The following UEVLD variants were observed in gnomAD, a reference collection of about 807,000 sequenced individuals.
UEVLD encodes ubiquitin-conjugating enzyme E2 variant 3.
In UEVLD, 47 loss-of-function variants were observed where a neutral mutation model predicts 58.6. The ratio of observed to expected loss-of-function variants is 0.80; its 90% CI spans 0.63 to 1.02. The LOEUF is 1.02. UEVLD is among the 50% of genes least tolerant of loss of function. The probability of loss-of-function intolerance (pLI) is 0.00; values close to 1 mark genes in which losing one functional copy is unlikely to be tolerated. For synonymous variants in UEVLD, 197 were observed against 195.3 expected, an observed-to-expected ratio of 1.01 and a Z score of -0.07; for missense variants, 510 against 550.6, an observed-to-expected ratio of 0.93 and a Z score of 0.74.
intron 7 of UEVLD, 142 bp from the exon 8 acceptor site, chr11:18,547,192 G>T: frequency 1.2e-6 from 1 of 819,382 alleles, no homozygotes; most frequent in Non-Finnish European, 1.8e-6. Context: ...ATCCACAAAA[G>T]CATATAAAAT....
intron 1 of UEVLD, chr11:18,579,448 G>A: frequency 1.0e-6 from 1 of 985,382 alleles, no homozygotes; most frequent in Non-Finnish European, 1.2e-6. Flanking sequence ...CTTAAATGAT[G>A]AGGCAGAATG....
intron 9 of UEVLD, 55 bp from the exon 10 acceptor site, chr11:18,536,524 T>G (rs1309739823): frequency 8.4e-6 from 12 of 1,432,604 alleles, no homozygotes; most frequent in Non-Finnish European, 1.1e-5. Flanking sequence ...TGGATTAAGA[T>G]GTGATAACAG....
intron 1 of UEVLD, among the ~76,000 whole-genome samples, chr11:18,586,378 C>T (rs926031450): frequency 6.6e-6 from 1 of 151,934 alleles, no homozygotes; most frequent in African/African-American, 2.4e-5. Context: ...CCACGCCTGG[C>T]TTATTTTTTT....
intron 1 of UEVLD, among the ~76,000 whole-genome samples, 154 bp downstream of exon 1, chr11:18,588,459 G>A (rs887119229): frequency 6.6e-6 from 1 of 152,138 alleles, no homozygotes; most frequent in African/African-American, 2.4e-5. Flanking sequence ...CAGCCTCCCT[G>A]GGGCCGCGCC....
intron 7 of UEVLD, 55 bp downstream of exon 7, chr11:18,558,173 G>A (rs1851842839): frequency 2.3e-6 from 3 of 1,307,560 alleles, no homozygotes; most frequent in African/African-American, 1.5e-5. Flanking sequence ...TAACATTCTA[G>A]GAGTCAAAAA....
At chr11:18,573,500 C>T (rs924498573) in intron 3 of UEVLD, among the ~76,000 whole-genome samples, 2 of 152,132 alleles carry the variant, frequency 1.3e-5, no homozygotes, top group Non-Finnish European at 2.9e-5. Flanking sequence ...AGCCAGGAAA[C>T]AGTCTAAAAG....
At chr11:18,544,276 T>C (rs1364890868) in intron 9 of UEVLD, among the ~76,000 whole-genome samples, 1 of 152,200 alleles carries the variant, frequency 6.6e-6, no homozygotes, top group African/African-American at 2.4e-5. Flanking sequence ...GTGAATGCCA[T>C]GACCACTGGC....
At chr11:18,539,516 G>A (rs868211097) in intron 9 of UEVLD, among the ~76,000 whole-genome samples, 7 of 152,138 alleles carry the variant, frequency 4.6e-5, no homozygotes, top group Non-Finnish European at 1.0e-4. Flanking sequence ...TACATTGGGC[G>A]GGATGTTTTG....
chr11:18,568,224 TA>T (rs769707213), intron 4 of UEVLD, among the ~76,000 whole-genome samples: 16 of 152,256 alleles, frequency 1.1e-4, no homozygotes, highest in South Asian at 2.1e-4. Context: ...AAACTAAAAT[TA>T]AACACAACTT....
intron 3 of UEVLD, among the ~76,000 whole-genome samples, chr11:18,574,086 A>AAGGACATTTATTATTAGTC (rs1852775895): frequency 6.6e-6 from 1 of 152,186 alleles, no homozygotes; most frequent in South Asian, 2.1e-4. Flanking sequence ...TAAGCACATA[A>AAGGACATTTATTATTAGTC]CTGTATATTA....
chr11:18,580,886 G>A (rs1853203546), intron 1 of UEVLD, among the ~76,000 whole-genome samples: 1 of 152,038 alleles, frequency 6.6e-6, no homozygotes, highest in Non-Finnish European at 1.5e-5. Flanking sequence ...CAGCTCGCCA[G>A]GCGCGGTGGC....
chr11:18,561,831 C>CAA (rs567518058), intron 6 of UEVLD, among the ~76,000 whole-genome samples: 11 of 71,412 alleles, frequency 1.5e-4, no homozygotes, highest in African/African-American at 2.8e-4. Flanking sequence ...GACTTCGTCT[C>CAA]AAAAAAAAAA....
In UEVLD at chr11:18,558,202, T is replaced by A. The variant is rs111688251; in HGVS notation, c.715+26A>T. The A allele has an allele frequency of 1.4e-3, 2,170 of 1,558,978 alleles. 34 individuals carry two copies. In the African/African-American group the frequency reaches 0.026, roughly 19 times the overall value. On this transcript the variant is annotated intron_variant, in intron 7 of 11. Coordinates refer to ENST00000396197, the MANE Select transcript of UEVLD (RefSeq NM_001040697.4). ...TCAAAAATGAAGATCTAATAAGGCA[T>A]ACATCTTTAAGCAGAATAAACAGAC...
chr11:18,559,171 G>C lies in UEVLD; in HGVS notation c.613-841C>G, dbSNP rs190788647. Among the ~76,000 whole-genome samples, 27 of 151,210 alleles carry C rather than the reference G, an allele frequency of 1.8e-4. No homozygotes were observed. In the East Asian group the frequency reaches 4.7e-3, roughly 27 times the overall value. Reference sequence around the variant, plus strand: ...TTACAGGTGTGAGCCACCGTGCCCAGGTCTGCAGGTTTCTTTTTCTTTTCT... The same window carrying C: ...TTACAGGTGTGAGCCACCGTGCCCACGTCTGCAGGTTTCTTTTTCTTTTCT... On this transcript the variant is annotated intron_variant, in intron 6 of 11. Coordinates refer to ENST00000396197, the MANE Select transcript of UEVLD (RefSeq NM_001040697.4).
Position 18,564,914 on chromosome 11 carries a change from C to T in UEVLD, c.590G>A (p.Cys197Tyr). The T allele has an allele frequency of 6.2e-7, 1 of 1,612,744 alleles. No homozygotes were observed. The highest frequency in any genetic ancestry group is 1.1e-5 in the South Asian group (1 of 91,002). ...TACCTTTGCTGAAATTGCTAATGTG[C>T]AGGCAATACCGAGTTCTCCACCTCC... ...VVGGGELGIA[C>Y]TLAISAKGIA... is the part of the protein sequence containing the mutation. The change falls in exon 6 of 12, where the codon TGC becomes TAC. Residue 197 changes from cysteine (C) to tyrosine (Y), a missense_variant. Coordinates refer to ENST00000396197, the MANE Select transcript of UEVLD (RefSeq NM_001040697.4).
chr11:18,560,274 C>T (rs1851976393), intron 6 of UEVLD, among the ~76,000 whole-genome samples: 1 of 152,036 alleles, frequency 6.6e-6, no homozygotes, highest in Non-Finnish European at 1.5e-5. Flanking sequence ...GTAATCCCCT[C>T]TAAAACATAG....
rs543454651 is a variant in UEVLD, at chr11:18,581,084, C to T, written c.43-2276G>A. On this transcript the variant is annotated intron_variant, in intron 1 of 11. Transcript: ENST00000396197. ...GGCTGAGGCAGGAGAATCGCTTAAA[C>T]CCAGGAGGCGGAGGTTGCAGTGGGC... Among the ~76,000 whole-genome samples, 5 of 151,344 alleles carry T rather than the reference C, an allele frequency of 3.3e-5. No individual in the cohort carries two copies. In the East Asian group the frequency reaches 5.9e-4, roughly 18 times the overall value.
intron 2 of UEVLD, among the ~76,000 whole-genome samples, chr11:18,576,328 G>GGATTACTT (rs1253057606): frequency 6.6e-6 from 1 of 151,998 alleles, no homozygotes; most frequent in East Asian, 1.9e-4. Flanking sequence ...TGAGGCAGGT[G>GGATTACTT]GATTACTTGA....
intron 1 of UEVLD, among the ~76,000 whole-genome samples, chr11:18,587,253 A>G (rs1053578912): frequency 1.3e-5 from 2 of 152,206 alleles, no homozygotes; most frequent in African/African-American, 2.4e-5. Context: ...CTGCACATTA[A>G]AACTTGAATG....
Sources: gnomAD v4.1 joint callset for allele counts (sites outside exome capture counted in the v4.1 genomes callset) on GRCh38, gnomAD v4.1.1 for gene constraint, MANE v1.5 for transcripts, NCBI Gene and HGNC (gene_info 2026-07-23, HGNC 2026-07-21) for gene names.